The following RFX6 variants were observed in gnomAD, a reference collection of about 807,000 sequenced individuals.
The protein encoded by RFX6 is regulatory factor X6.
In RFX6, 50 loss-of-function variants were observed where a neutral mutation model predicts 110.8. The ratio of observed to expected loss-of-function variants is 0.45; its 90% CI spans 0.36 to 0.57. The LOEUF (loss-of-function observed/expected upper bound fraction) is 0.57, where lower values mean the gene tolerates loss of function less well. RFX6 is among the 20% of genes least tolerant of loss of function. The probability of loss-of-function intolerance (pLI) is 0.00; values close to 1 mark genes in which losing one functional copy is unlikely to be tolerated. For synonymous variants in RFX6, 383 were observed against 411.2 expected (o/e 0.93, Z 0.83); for missense variants, 990 against 1,127.0 (o/e 0.88, Z 1.74).
At chr6:116,908,689 GACAC>G (rs35170155) in intron 6 of RFX6, among the ~76,000 whole-genome samples, 20,279 of 118,946 alleles carry the variant, frequency 0.17, 1,866 homozygotes, top group East Asian at 0.44. Context: ...CACACACACA[GACAC>G]ACACACACAC....
intron 4 of RFX6, chr6:116,885,075 A>T (rs778727804): frequency 2.0e-5 from 3 of 152,200 alleles, no homozygotes; most frequent in Non-Finnish European, 4.4e-5. Context: ...TCCAAGAAAT[A>T]TCCTTAGCTT....
At chr6:116,919,495 T>C (rs1037527744) in intron 11 of RFX6, among the ~76,000 whole-genome samples, 199 bp downstream of exon 11, 1 of 152,168 alleles carries the variant, frequency 6.6e-6, no homozygotes, top group Non-Finnish European at 1.5e-5. Flanking sequence ...ATTATGTCTG[T>C]AGTTAATAGT....
At chr6:116,884,713 C>T (rs925198368) in intron 4 of RFX6, 1 of 152,048 alleles carries the variant, frequency 6.6e-6, no homozygotes, top group Non-Finnish European at 1.5e-5. Context: ...TTTGAAGGAG[C>T]CTTTAGGATT....
intron 2 of RFX6, among the ~76,000 whole-genome samples, chr6:116,879,722 A>G (rs1582507036): frequency 6.6e-6 from 1 of 152,100 alleles, no homozygotes; most frequent in African/African-American, 2.4e-5. Context: ...CTGAACTGTT[A>G]GGAAAACTGG....
intron 6 of RFX6, among the ~76,000 whole-genome samples, chr6:116,895,995 A>G (rs1774937024): frequency 1.3e-5 from 2 of 152,338 alleles, no homozygotes; most frequent in Middle Eastern, 3.4e-3. Context: ...AGTGCTTTTA[A>G]TACAGTTAAT....
Position 116,927,353 on chromosome 6 carries a change from G to A in RFX6, c.2212G>A (p.Asp738Asn), listed in dbSNP as rs1775765171. 2 of 1,613,884 alleles carry A rather than the reference G, an allele frequency of 1.2e-6. No individual in the cohort carries two copies. Among genetic ancestry groups the A allele is most frequent in the Non-Finnish European group, 1.7e-6 (2 of 1,179,742 alleles). Reference sequence around the variant, plus strand: ...TTGGACTGAACAGCAGCTTTCAAGAGACTTCTTCAGTGGCAGCTGTGCGGG... The same window carrying A: ...TTGGACTGAACAGCAGCTTTCAAGAAACTTCTTCAGTGGCAGCTGTGCGGG... Reference protein sequence around the residue: ...MAWTEQQLSRDFFSGSCAGSP... With the variant: ...MAWTEQQLSRNFFSGSCAGSP... Residue 738 changes from aspartate (D) to asparagine (N), a missense_variant, in exon 17 of 19, where the codon GAC becomes AAC. By Grantham distance (23) the Asp-to-Asn change is conservative (BLOSUM62 1). Around this residue, in one of 5 missense-constraint regions of RFX6, gnomAD observed 438 missense variants for 441.9 expected, o/e 0.99. Coordinates refer to ENST00000332958, the MANE Select transcript of RFX6 (RefSeq NM_173560.4).
intron 4 of RFX6, among the ~76,000 whole-genome samples, chr6:116,890,608 A>G (rs1375697850): frequency 1.3e-5 from 2 of 152,166 alleles, no homozygotes; most frequent in Admixed American, 1.3e-4. Flanking sequence ...CAGCTACATC[A>G]ACATATCTAA....
At chr6:116,887,424 G>T (rs1774722967) in intron 4 of RFX6, among the ~76,000 whole-genome samples, 1 of 152,124 alleles carries the variant, frequency 6.6e-6, no homozygotes, top group African/African-American at 2.4e-5. Context: ...AGCAACCCCA[G>T]CGGCAGACAC....
intron 7 of RFX6, 146 bp from the exon 8 acceptor site, chr6:116,915,862 A>T (rs1775450581): frequency 2.9e-6 from 2 of 693,212 alleles, no homozygotes; most frequent in African/African-American, 3.5e-5. Context: ...TGAAATAAGA[A>T]TTTTGCCTTA....
intron 4 of RFX6, among the ~76,000 whole-genome samples, chr6:116,885,596 C>T (rs1774683721): frequency 6.6e-6 from 1 of 152,136 alleles, no homozygotes; most frequent in African/African-American, 2.4e-5. Context: ...ATATCTGACT[C>T]TAAAGTTTAT....
At chr6:116,919,006 G>C (rs1775534200) in intron 10 of RFX6, 131 bp from the exon 11 acceptor site, 1 of 757,658 alleles carries the variant, frequency 1.3e-6, no homozygotes, top group Non-Finnish European at 2.2e-6. Flanking sequence ...ATGATAAATG[G>C]CAGATCTAGG....
intron 15 of RFX6, 68 bp from the exon 16 acceptor site, chr6:116,925,385 T>A: frequency 8.3e-7 from 1 of 1,208,058 alleles, no homozygotes; most frequent in Non-Finnish European, 1.2e-6. Flanking sequence ...ATTTTCTTTT[T>A]ACTTGGGTTT....
intron 4 of RFX6, among the ~76,000 whole-genome samples, chr6:116,887,220 C>T (rs1033622205): frequency 4.6e-5 from 7 of 152,190 alleles, no homozygotes; most frequent in South Asian, 2.1e-4. Flanking sequence ...CATTCCACAT[C>T]AAAGGCCACT....
chr6:116,900,729 A>G (rs931878526), intron 6 of RFX6, among the ~76,000 whole-genome samples: 1 of 152,184 alleles, frequency 6.6e-6, no homozygotes, highest in African/African-American at 2.4e-5. Flanking sequence ...GTGAGAAACT[A>G]TATGTAACCT....
At chr6:116,924,347 A>G (rs911833920) in intron 14 of RFX6, among the ~76,000 whole-genome samples, 3 of 152,152 alleles carry the variant, frequency 2.0e-5, no homozygotes, top group Non-Finnish European at 2.9e-5. Flanking sequence ...TCACACTCCA[A>G]TGTGTGCCCT....
At chr6:116,921,536 A>G (rs1038123385) in intron 12 of RFX6, among the ~76,000 whole-genome samples, 2 of 152,228 alleles carry the variant, frequency 1.3e-5, no homozygotes, top group African/African-American at 2.4e-5. Flanking sequence ...TTCAATATAT[A>G]CCAAGATATA....
chr6:116,911,089 C>G (rs1389084118), intron 7 of RFX6, 47 bp downstream of exon 7: 1 of 1,264,830 alleles, frequency 7.9e-7, no homozygotes, highest in Non-Finnish European at 1.2e-6. Context: ...TATGTTGGCT[C>G]CATATGTCAA....
intron 18 of RFX6, among the ~76,000 whole-genome samples, chr6:116,929,497 A>AT (rs1424234297): frequency 4.6e-5 from 7 of 152,152 alleles, no homozygotes; most frequent in Non-Finnish European, 8.8e-5. Flanking sequence ...AAATGTTGCC[A>AT]TTTTTATTGC....
At chr6:116,930,402 G>C (rs1158845275) in intron 18 of RFX6, among the ~76,000 whole-genome samples, 2 of 152,190 alleles carry the variant, frequency 1.3e-5, no homozygotes, top group Non-Finnish European at 2.9e-5. Context: ...CCCCATTCTA[G>C]ATGTGAGGAT....
Sources: gnomAD v4.1 joint callset for allele counts (sites outside exome capture counted in the v4.1 genomes callset) on GRCh38, gnomAD v4.1.1 for gene constraint, gnomAD v4.1.1 regional missense constraint, MANE v1.5 for transcripts, NCBI Gene and HGNC (gene_info 2026-07-23, HGNC 2026-07-21) for gene names.